CDH18: variants seen among roughly 807,000 people sequenced by gnomAD.
The protein encoded by CDH18 is cadherin-18.
Under a neutral mutation model 67.9 loss-of-function variants are expected in CDH18, and 31 were observed. The ratio of observed to expected loss-of-function variants is 0.46; its 90% confidence interval spans 0.34 to 0.62. CDH18 has a LOEUF of 0.62. CDH18 is among the 20% of genes least tolerant of loss of function. The pLI is 0.01. For synonymous variants in CDH18, 362 were observed against 347.2 expected (o/e 1.04, Z -0.48); for missense variants, 890 against 975.5 (o/e 0.91, Z 1.17).
intron 1 of CDH18, among the ~76,000 whole-genome samples, chr5:20,309,549 T>A (rs2149986088): frequency 6.6e-6 from 1 of 152,278 alleles, no homozygotes; most frequent in East Asian, 1.9e-4. Context: ...GGAAATACAT[T>A]TTTTCCTATC....
chr5:20,326,706 T>C (rs7721573), intron 1 of CDH18, among the ~76,000 whole-genome samples: 26,173 of 151,806 alleles, frequency 0.17, 2,740 homozygotes, highest in East Asian at 0.29. Flanking sequence ...ACCCGGCTAA[T>C]TTTTTGTATT....
chr5:19,702,196 T>G (rs1213424585), intron 5 of CDH18, among the ~76,000 whole-genome samples: 1 of 143,458 alleles, frequency 7.0e-6, no homozygotes, highest in Non-Finnish European at 1.5e-5. Context: ...TCCCCCAGGC[T>G]GGAGTGCAAT....
chr5:19,649,616 A>C (rs1247177966), intron 5 of CDH18, among the ~76,000 whole-genome samples: 1 of 152,056 alleles, frequency 6.6e-6, no homozygotes, highest in African/African-American at 2.4e-5. Context: ...GACACTTTAA[A>C]AAGGAATAAA....
chr5:19,804,688 A>G (rs1272372612), intron 3 of CDH18, among the ~76,000 whole-genome samples: 1 of 152,212 alleles, frequency 6.6e-6, no homozygotes, highest in Non-Finnish European at 1.5e-5. Context: ...GATCAGGATG[A>G]TTAGCATGTT....
At position 19,967,523 on chromosome 5, in the gene CDH18, A is replaced by C. The variant is rs1797577638; in HGVS notation, c.-257+13537T>G. ...ATATAACTTGCCTGTGGTGATATAA[A>C]CTTTAATGTTACTAAGCTTCAAAAC... On this transcript the variant is annotated intron_variant, in intron 2 of 12. Transcript: ENST00000382275. 3.3e-5 allele frequency among the ~76,000 whole-genome samples: 5 copies of C among 152,214 alleles called. No homozygotes were observed. The South Asian group carries it at 1.0e-3, about 32-fold the overall frequency.
chr5:19,929,885 T>C (rs895398889), intron 2 of CDH18, among the ~76,000 whole-genome samples: 3 of 152,106 alleles, frequency 2.0e-5, no homozygotes, highest in African/African-American at 4.8e-5. Flanking sequence ...TTTCCAATAA[T>C]TTACTGAAAA....
At chr5:20,043,286 C>A (rs575662697) in intron 2 of CDH18, among the ~76,000 whole-genome samples, 132 of 152,192 alleles carry the variant, frequency 8.7e-4, no homozygotes, top group African/African-American at 2.9e-3. Context: ...CTCATGATAG[C>A]GAAAATTTTC....
At chr5:20,346,222 C>T (rs747559534) in intron 1 of CDH18, among the ~76,000 whole-genome samples, 1 of 152,082 alleles carries the variant, frequency 6.6e-6, no homozygotes, top group South Asian at 2.1e-4. Flanking sequence ...ATGGAACACT[C>T]TATGTTATGG....
In CDH18 at chr5:20,270,801, C is replaced by A. The variant is rs575793796; in HGVS notation, c.-579-15296G>T. On this transcript the variant is annotated intron_variant, in intron 1 of 14. Coordinates refer to the CDH18 transcript ENST00000507958. ...ATATAGGACATGGAATACTACACAA[C>A]CATAAAAAAATGAGATCATGTCCTT... Among the ~76,000 whole-genome samples, 6 of 136,602 alleles carry A rather than the reference C, an allele frequency of 4.4e-5. No homozygotes were observed. The South Asian group carries it at 1.5e-3, about 34-fold the overall frequency. The allele number at this position is 136,602 out of a possible 152,430, so 89.6% of individuals were successfully genotyped here.
chr5:20,070,764 T>C lies in CDH18; in HGVS notation c.-517-78750A>G, dbSNP rs967101010. On this transcript the variant is annotated intron_variant, in intron 2 of 14. Coordinates refer to the CDH18 transcript ENST00000507958. The stretch of plus-strand genomic sequence containing the variant: ...GCTACCTTAACACTGTACTTTCATT[T>C]ACTCCTAGATAAACTTCTCTAAAAT... Among the ~76,000 whole-genome samples the C allele has an allele frequency of 5.3e-5, 8 of 152,206 alleles. No individual in the cohort carries two copies. The South Asian group carries it at 1.0e-3, about 20-fold the overall frequency.
intron 4 of CDH18, among the ~76,000 whole-genome samples, chr5:19,731,501 T>C (rs1767591061): frequency 6.6e-6 from 1 of 151,958 alleles, no homozygotes; most frequent in South Asian, 2.1e-4. Flanking sequence ...TTCAGACAGT[T>C]TTGGACTTTG....
chr5:19,831,038 A>T (rs1287070044), intron 3 of CDH18, among the ~76,000 whole-genome samples: 5 of 152,076 alleles, frequency 3.3e-5, no homozygotes, highest in African/African-American at 1.2e-4. Context: ...TCTTTGTGAG[A>T]GTGAAGGGTG....
intron 2 of CDH18, among the ~76,000 whole-genome samples, chr5:19,962,395 A>AAAAAAAAAAAT (rs58319680): frequency 3.4e-4 from 40 of 117,040 alleles, no homozygotes; most frequent in African/African-American, 1.0e-3. Context: ...AAAAAAAAAA[A>AAAAAAAAAAAT]AGAAAATTCA....
intron 10 of CDH18, among the ~76,000 whole-genome samples, chr5:19,513,038 G>A (rs1745367862): frequency 6.6e-6 from 1 of 151,694 alleles, no homozygotes; most frequent in South Asian, 2.1e-4. Flanking sequence ...ATTTATTTGT[G>A]GAAAGGTTTT....
chr5:20,056,041 G>A (rs1010863584), intron 2 of CDH18, among the ~76,000 whole-genome samples: 1 of 113,164 alleles, frequency 8.8e-6, no homozygotes. Context: ...GTCTCACTCC[G>A]TTACCCAGGC....
At chr5:20,042,009 T>G (rs1740469418) in intron 2 of CDH18, among the ~76,000 whole-genome samples, 1 of 151,678 alleles carries the variant, frequency 6.6e-6, no homozygotes, top group Non-Finnish European at 1.5e-5. Context: ...ATCTCTAGAG[T>G]GCACATTTAT....
chr5:20,340,538 G>T (rs1228940082), intron 1 of CDH18, among the ~76,000 whole-genome samples: 1 of 152,180 alleles, frequency 6.6e-6, no homozygotes, highest in Non-Finnish European at 1.5e-5. Context: ...TCCAGCCTGT[G>T]TTGGGGACCA....
chr5:20,342,351 G>A (rs950034357), intron 1 of CDH18, among the ~76,000 whole-genome samples: 3 of 152,062 alleles, frequency 2.0e-5, no homozygotes, highest in African/African-American at 7.2e-5. Flanking sequence ...CCTGACCCAT[G>A]CTGCCATCAG....
At chr5:20,461,798 A>G (rs889516234) in intron 1 of CDH18, among the ~76,000 whole-genome samples, 9 of 152,148 alleles carry the variant, frequency 5.9e-5, no homozygotes, top group African/African-American at 2.2e-4. Context: ...ATTTCTAGAA[A>G]AGCCTTTTCT....
Sources: allele counts gnomAD v4.1 joint callset (sites outside exome capture counted in the v4.1 genomes callset), GRCh38; gene constraint gnomAD v4.1.1; transcripts MANE v1.5; gene names NCBI Gene and HGNC (gene_info 2026-07-23, HGNC 2026-07-21).